The following CMTM8 variants were observed in gnomAD, a reference collection of about 807,000 sequenced individuals.
CMTM8 encodes CKLF-like MARVEL transmembrane domain-containing protein 8.
In CMTM8, 12 loss-of-function variants were observed where a neutral mutation model predicts 18.6. The ratio of observed to expected loss-of-function variants is 0.65; its 90% confidence interval spans 0.41 to 1.05. The LOEUF (loss-of-function observed/expected upper bound fraction) is 1.05, where lower values mean the gene tolerates loss of function less well. Among genes scored for constraint, CMTM8 ranks in the 50% least tolerant of loss-of-function variants. The pLI is 0.00. For synonymous variants in CMTM8, 87 were observed against 90.6 expected (o/e 0.96, Z 0.23); for missense variants, 217 against 227.2 (o/e 0.95, Z 0.29).
Position 32,297,670 on chromosome 3 carries a change from G to T in CMTM8, c.147+58551G>T, listed in dbSNP as rs989926998. ...CCCAGCAGTGTCATCACAGCATCTT[G>T]TGCAAAACATTGATGGTGAAAGATA... On this transcript the variant is annotated intron_variant, in intron 1 of 3. Transcript: ENST00000307526. 3.3e-5 allele frequency among the ~76,000 whole-genome samples: 5 copies of T among 152,012 alleles called. 1 individual carries two copies. The highest frequency in any genetic ancestry group is 7.4e-5 in the Non-Finnish European group (5 of 67,952).
intron 1 of CMTM8, among the ~76,000 whole-genome samples, chr3:32,319,811 G>A (rs2125576411): frequency 6.6e-6 from 1 of 152,376 alleles, no homozygotes; most frequent in African/African-American, 2.4e-5. Flanking sequence ...TGGCAGAACT[G>A]TCAAAACAGC....
chr3:32,315,422 G>A (rs376271586), intron 1 of CMTM8, among the ~76,000 whole-genome samples: 11 of 152,220 alleles, frequency 7.2e-5, no homozygotes, highest in East Asian at 1.9e-4. Flanking sequence ...GAGCTACCAC[G>A]CCCAGCCCTG....
At chr3:32,291,528 A>G in intron 1 of CMTM8, among the ~76,000 whole-genome samples, 1 of 152,174 alleles carries the variant, frequency 6.6e-6, no homozygotes, top group Non-Finnish European at 1.5e-5. Flanking sequence ...TTTCTCCCTT[A>G]TATAAATGAG....
At chr3:32,347,441 C>G (rs1696623126) in intron 1 of CMTM8, among the ~76,000 whole-genome samples, 1 of 151,102 alleles carries the variant, frequency 6.6e-6, no homozygotes, top group Non-Finnish European at 1.5e-5. Context: ...TGGCCACCCC[C>G]CGGCACAGCA....
rs10049398 is a variant in CMTM8, at chr3:32,262,891, C to T, written c.147+23772C>T. Among the ~76,000 whole-genome samples, 965 of 151,916 alleles carry T rather than the reference C, an allele frequency of 6.4e-3. 8 individuals carry two copies. The highest frequency in any genetic ancestry group is 0.023 in the African/African-American group (929 of 41,252). On this transcript the variant is annotated intron_variant, in intron 1 of 3. Transcript: ENST00000307526. ...GAGTTTTCACACACTCAGCAATGAG[C>T]GGGAACATAGAATTTAGCCTCTCTG...
chr3:32,367,003 T>C (rs1559392005), intron 2 of CMTM8, among the ~76,000 whole-genome samples: 1 of 152,152 alleles, frequency 6.6e-6, no homozygotes, highest in Non-Finnish European at 1.5e-5. Flanking sequence ...TAGCTTTTTT[T>C]TCTCTGAGAA....
At chr3:32,251,026 A>C (rs1044477522) in intron 1 of CMTM8, among the ~76,000 whole-genome samples, 1 of 152,222 alleles carries the variant, frequency 6.6e-6, no homozygotes, top group Non-Finnish European at 1.5e-5. Context: ...TATACAAAAA[A>C]GTTCATACCA....
chr3:32,298,709 C>T (rs934342267), intron 1 of CMTM8, among the ~76,000 whole-genome samples: 28 of 150,766 alleles, frequency 1.9e-4, no homozygotes, highest in African/African-American at 6.8e-4. Context: ...GATCTCAGCT[C>T]ACTGCAGCCT....
intron 3 of CMTM8, 23 bp from the exon 4 acceptor site, chr3:32,369,860 TC>T (rs1174195735): frequency 6.5e-7 from 1 of 1,548,252 alleles, no homozygotes. Context: ...AAACCCCACT[TC>T]TATTATGCTT....
At chr3:32,334,124 A>G (rs1178456345) in intron 1 of CMTM8, among the ~76,000 whole-genome samples, 2 of 151,610 alleles carry the variant, frequency 1.3e-5, no homozygotes, top group Non-Finnish European at 2.9e-5. Flanking sequence ...GATTACAGGC[A>G]CGCACCACCA....
In CMTM8 at chr3:32,292,082, A is replaced by G. The variant is rs151208366; in HGVS notation, c.147+52963A>G. The stretch of plus-strand genomic sequence containing the variant: ...GATCAACCTTGTGGTTTGAGTTTTA[A>G]CAACCTGGCCTGGAAACAGAATGTT... On this transcript the variant is annotated intron_variant, in intron 1 of 3. Coordinates refer to ENST00000307526, the MANE Select transcript of CMTM8 (RefSeq NM_178868.5). Among the ~76,000 whole-genome samples the G allele has an allele frequency of 2.2e-4, 33 of 152,308 alleles. No homozygotes were observed. In the South Asian group the frequency reaches 2.9e-3, roughly 13 times the overall value.
At chr3:32,283,230 G>T (rs1015292694) in intron 1 of CMTM8, among the ~76,000 whole-genome samples, 1 of 152,224 alleles carries the variant, frequency 6.6e-6, no homozygotes, top group Non-Finnish European at 1.5e-5. Context: ...GCCTTGGGAA[G>T]CATGTGGTCA....
At chr3:32,314,967 G>A (rs12493456) in intron 1 of CMTM8, among the ~76,000 whole-genome samples, 113,254 of 151,606 alleles carry the variant, frequency 0.75, 42,908 homozygotes, top group East Asian at 0.97. Flanking sequence ...TTAATAAGTG[G>A]CAAAAAAATT....
chr3:32,259,652 GC>G, intron 1 of CMTM8: 3 of 1,349,628 alleles, frequency 2.2e-6, no homozygotes, highest in Non-Finnish European at 2.1e-6. Flanking sequence ...GGAGGTAGAT[GC>G]CCCCAAATCT....
chr3:32,280,575 C>G (rs936631092), intron 1 of CMTM8, among the ~76,000 whole-genome samples: 2 of 152,046 alleles, frequency 1.3e-5, no homozygotes, highest in African/African-American at 2.4e-5. Context: ...CAGAAAATTC[C>G]ATAACCAGCA....
chr3:32,241,074 C>T (rs1701941512), intron 1 of CMTM8, among the ~76,000 whole-genome samples: 1 of 152,186 alleles, frequency 6.6e-6, no homozygotes, highest in Admixed American at 6.5e-5. Context: ...AGGCATGAAC[C>T]ACTGTGCCCC....
At chr3:32,291,797 G>A (rs981709185) in intron 1 of CMTM8, among the ~76,000 whole-genome samples, 26 of 152,144 alleles carry the variant, frequency 1.7e-4, no homozygotes, top group African/African-American at 6.0e-4. Flanking sequence ...CTATGATCTA[G>A]GTACTGTATG....
At chr3:32,315,090 A>G (rs568144708) in intron 1 of CMTM8, among the ~76,000 whole-genome samples, 1 of 151,630 alleles carries the variant, frequency 6.6e-6, no homozygotes, top group African/African-American at 2.4e-5. Flanking sequence ...AAACAAAGGT[A>G]ACTAAGCCAC....
chr3:32,346,339 C>T (rs964121556), intron 1 of CMTM8, among the ~76,000 whole-genome samples: 6 of 152,300 alleles, frequency 3.9e-5, no homozygotes, highest in African/African-American at 1.2e-4. Context: ...TGTGAGCTGT[C>T]ATCTTCTGAT....
Sources: allele counts gnomAD v4.1 joint callset (sites outside exome capture counted in the v4.1 genomes callset), GRCh38; gene constraint gnomAD v4.1.1; transcripts MANE v1.5; gene names NCBI Gene and HGNC (gene_info 2026-07-23, HGNC 2026-07-21).